NLGN1: variants seen among roughly 807,000 people sequenced by gnomAD.
NLGN1 encodes the protein neuroligin 1.
Under a neutral mutation model 65.5 loss-of-function variants are expected in NLGN1, and 12 were observed. The observed-to-expected ratio is 0.18, with a 90% CI of 0.12 to 0.30. The LOEUF is 0.30. Among genes scored for constraint, NLGN1 ranks in the 10% least tolerant of loss-of-function variants. The probability of loss-of-function intolerance (pLI) is 1.00; values close to 1 mark genes in which losing one functional copy is unlikely to be tolerated. For synonymous variants in NLGN1, 350 were observed against 359.5 expected (o/e 0.97, Z 0.30); for missense variants, 750 against 1,007.1 (o/e 0.74, Z 3.46).
intron 4 of NLGN1, among the ~76,000 whole-genome samples, chr3:174,182,230 A>G (rs1371423316): frequency 6.6e-6 from 1 of 151,996 alleles, no homozygotes; most frequent in East Asian, 1.9e-4. Context: ...TTTCACTTGG[A>G]CAATATTGCA....
At chr3:173,719,762 C>T (rs1770518571) in intron 3 of NLGN1, among the ~76,000 whole-genome samples, 3 of 152,114 alleles carry the variant, frequency 2.0e-5, no homozygotes, top group Admixed American at 6.6e-5. Context: ...ATTTTTCTTT[C>T]TACAGTCTAG....
intron 2 of NLGN1, among the ~76,000 whole-genome samples, chr3:173,583,106 A>G (rs1181433145): frequency 6.6e-6 from 1 of 152,210 alleles, no homozygotes; most frequent in African/African-American, 2.4e-5. Context: ...CCTGAACCAC[A>G]TCTGCATTGC....
intron 4 of NLGN1, among the ~76,000 whole-genome samples, chr3:174,120,544 T>G (rs1224966923): frequency 6.6e-6 from 1 of 152,032 alleles, no homozygotes; most frequent in African/African-American, 2.4e-5. Flanking sequence ...AATTTATTAC[T>G]AGTTCCACCT....
In NLGN1 at chr3:173,605,526, T is replaced by C; in HGVS notation, c.493+435T>C. ...ATGTTATTTTCTAGTCTTCTATTCA[T>C]TTTTCAGTAAAAAGAATATCCAAGG... On this transcript the variant is annotated intron_variant, in intron 3 of 6. Transcript: ENST00000457714. 1 of 1,278,632 alleles carries C rather than the reference T, an allele frequency of 7.8e-7. No homozygotes were observed. Among genetic ancestry groups the C allele is most frequent in the Non-Finnish European group, 1.0e-6 (1 of 978,786 alleles). The allele number at this position is 1,278,632 out of a possible 1,614,324, so 79.2% of individuals were successfully genotyped here.
chr3:174,109,689 G>A (rs1714759078), intron 4 of NLGN1, among the ~76,000 whole-genome samples: 1 of 151,872 alleles, frequency 6.6e-6, no homozygotes, highest in Admixed American at 6.6e-5. Context: ...ATAGAAAAAT[G>A]TATTAGCTGT....
chr3:173,477,101 A>C (rs1354551207), intron 2 of NLGN1, among the ~76,000 whole-genome samples: 1 of 152,186 alleles, frequency 6.6e-6, no homozygotes, highest in African/African-American at 2.4e-5. Flanking sequence ...TATATTGCTC[A>C]GTGTTCAGGG....
intron 4 of NLGN1, among the ~76,000 whole-genome samples, chr3:173,977,271 T>A (rs1359834651): frequency 1.3e-5 from 2 of 151,824 alleles, no homozygotes; most frequent in African/African-American, 2.4e-5. Context: ...AAATCTGTAG[T>A]ATGACCAGAT....
At chr3:174,090,777 A>G (rs183131951) in intron 4 of NLGN1, among the ~76,000 whole-genome samples, 1 of 152,188 alleles carries the variant, frequency 6.6e-6, no homozygotes, top group Non-Finnish European at 1.5e-5. Flanking sequence ...TCTTCCAGAA[A>G]GCCACAGATG....
At chr3:174,160,794 TTTAA>T (rs1183836395) in intron 4 of NLGN1, among the ~76,000 whole-genome samples, 1 of 151,604 alleles carries the variant, frequency 6.6e-6, no homozygotes, top group Non-Finnish European at 1.5e-5. Context: ...AATCAGTTCT[TTTAA>T]TTATTTTAAA....
intron 4 of NLGN1, chr3:173,910,639 C>G (rs536627262): frequency 2.0e-5 from 3 of 152,114 alleles, no homozygotes; most frequent in Non-Finnish European, 4.4e-5. Context: ...AAAGTTCTTA[C>G]GATTCTAAAA....
chr3:173,459,955 T>A (rs1723097944), intron 2 of NLGN1, among the ~76,000 whole-genome samples: 1 of 152,082 alleles, frequency 6.6e-6, no homozygotes, highest in African/African-American at 2.4e-5. Flanking sequence ...GAGAAGCAAT[T>A]ATTTTTATAG....
chr3:173,817,608 G>C (rs992317826), intron 4 of NLGN1, among the ~76,000 whole-genome samples: 1 of 152,162 alleles, frequency 6.6e-6, no homozygotes, highest in African/African-American at 2.4e-5. Context: ...AATCAAACCA[G>C]CATTGTGAAG....
At chr3:174,098,610 A>G (rs1315905845) in intron 4 of NLGN1, among the ~76,000 whole-genome samples, 1 of 152,154 alleles carries the variant, frequency 6.6e-6, no homozygotes, top group African/African-American at 2.4e-5. Flanking sequence ...ATAGAATGGT[A>G]CTTCTCAGAC....
At chr3:173,791,229 G>GT (rs1420580821) in intron 3 of NLGN1, among the ~76,000 whole-genome samples, 1 of 152,180 alleles carries the variant, frequency 6.6e-6, no homozygotes, top group Non-Finnish European at 1.5e-5. Flanking sequence ...GGACGCTTGA[G>GT]TAGAAGGACT....
chr3:174,245,024 A>G (rs891272308), intron 4 of NLGN1, among the ~76,000 whole-genome samples: 1 of 152,116 alleles, frequency 6.6e-6, no homozygotes, highest in Non-Finnish European at 1.5e-5. Context: ...AATTGTTGCT[A>G]GAAATTAGAG....
intron 4 of NLGN1, among the ~76,000 whole-genome samples, chr3:174,132,113 G>T (rs1234376636): frequency 6.6e-6 from 1 of 152,190 alleles, no homozygotes; most frequent in Non-Finnish European, 1.5e-5. Flanking sequence ...CAATTTATGA[G>T]AATATTTGTG....
chr3:173,703,814 G>A (rs1767619476), intron 3 of NLGN1, among the ~76,000 whole-genome samples: 1 of 152,108 alleles, frequency 6.6e-6, no homozygotes, highest in Admixed American at 6.5e-5. Context: ...AAATTTAGAG[G>A]CTTCTTTATC....
chr3:173,892,172 T>A (rs1336573199), intron 4 of NLGN1, among the ~76,000 whole-genome samples: 2 of 151,214 alleles, frequency 1.3e-5, no homozygotes, highest in Non-Finnish European at 1.5e-5. Context: ...CACGTATATT[T>A]AAGGTTTTTT....
chr3:173,878,967 TA>T (rs200650616), intron 4 of NLGN1, among the ~76,000 whole-genome samples: 1,722 of 152,142 alleles, frequency 0.011, 36 homozygotes, highest in African/African-American at 0.036. Flanking sequence ...CATGGTGACT[TA>T]ACGCCTGTAA....
Sources: allele counts gnomAD v4.1 joint callset (sites outside exome capture counted in the v4.1 genomes callset), GRCh38; gene constraint gnomAD v4.1.1; transcripts MANE v1.5; gene names NCBI Gene and HGNC (gene_info 2026-07-23, HGNC 2026-07-21).